EYS: variants seen among roughly 807,000 people sequenced by gnomAD.
EYS encodes the protein protein eyes shut homolog.
EYS carries 250 observed loss-of-function variants against 282.1 expected under a neutral mutation model. That is an observed-to-expected ratio of 0.89 (90% CI 0.80 to 0.98). The LOEUF is 0.98. EYS is among the 50% of genes least tolerant of loss of function. EYS has a pLI of 0.00. For missense variants in EYS, 4,016 were observed against 3,709.0 expected (o/e 1.08, Z -2.15); for synonymous variants, 1,355 against 1,282.9 (o/e 1.06, Z -1.20).
chr6:64,181,728 A>G (rs1400427944), intron 31 of EYS, among the ~76,000 whole-genome samples: 2 of 152,142 alleles, frequency 1.3e-5, no homozygotes, highest in African/African-American at 4.8e-5. Context: ...AAAATGCCAT[A>G]GACAGGATTA....
chr6:65,444,035 G>T (rs1226348381), intron 5 of EYS, among the ~76,000 whole-genome samples: 1 of 151,800 alleles, frequency 6.6e-6, no homozygotes. Context: ...ATGGTTAAAA[G>T]TAAGGTCCCT....
At chr6:64,421,630 C>T (rs1416956568) in intron 28 of EYS, among the ~76,000 whole-genome samples, 2 of 152,000 alleles carry the variant, frequency 1.3e-5, no homozygotes, top group Non-Finnish European at 2.9e-5. Flanking sequence ...AATCCACTTC[C>T]TAAATGCTAA....
chr6:63,810,260 C>CAAAAAAA (rs368701336), intron 36 of EYS, among the ~76,000 whole-genome samples: 2 of 53,766 alleles, frequency 3.7e-5, no homozygotes, highest in African/African-American at 7.2e-5. Context: ...GATTCCATCT[C>CAAAAAAA]AAAAAAAAAA....
Position 64,590,342 on chromosome 6 carries a change from A to G in EYS, c.5525T>C (p.Leu1842Pro). The G allele has an allele frequency of 6.4e-7, 1 of 1,551,298 alleles. No individual in the cohort carries two copies. The highest frequency in any genetic ancestry group is 2.4e-5 in the East Asian group (1 of 40,906). ...KTSSEWSKWE[L>P]QPSVQYQEFP... is the part of the protein sequence containing the mutation. ...TTCCTGATATTGCACACTAGGCTGAAGTTCCCATTTGGACCATTCTGAAGA... is the reference window on the plus strand; with the variant it reads ...TTCCTGATATTGCACACTAGGCTGAGGTTCCCATTTGGACCATTCTGAAGA... The change falls in exon 26 of 43, where the codon CTT becomes CCT. Residue 1842 changes from leucine to proline, a missense_variant. Physicochemically the swap from Leu to Pro is moderately conservative, Grantham distance 98 (BLOSUM62 -3). Coordinates refer to ENST00000503581, the MANE Select transcript of EYS (RefSeq NM_001142800.2).
At chr6:65,438,352 A>G (rs1768167128) in intron 5 of EYS, among the ~76,000 whole-genome samples, 1 of 152,134 alleles carries the variant, frequency 6.6e-6, no homozygotes, top group African/African-American at 2.4e-5. Flanking sequence ...CATGATTTAT[A>G]ATCCTTTGGG....
chr6:65,341,421 A>G (rs1770196707), intron 10 of EYS, among the ~76,000 whole-genome samples: 1 of 151,178 alleles, frequency 6.6e-6, no homozygotes, highest in South Asian at 2.1e-4. Context: ...TAATTTCTCA[A>G]AGGACAATGT....
At chr6:63,985,821 C>T (rs750595928) in intron 34 of EYS, among the ~76,000 whole-genome samples, 3 of 151,662 alleles carry the variant, frequency 2.0e-5, no homozygotes, top group Admixed American at 6.6e-5. Context: ...CTATAAAAAC[C>T]CTGGAAGACA....
chr6:65,490,070 T>C (rs1181253777), intron 5 of EYS: 2 of 153,514 alleles, frequency 1.3e-5, no homozygotes, highest in Admixed American at 6.5e-5. Flanking sequence ...GCACATGGCA[T>C]ACCTATGTAA....
At chr6:64,344,690 T>G (rs1384697758) in intron 29 of EYS, among the ~76,000 whole-genome samples, 1 of 152,038 alleles carries the variant, frequency 6.6e-6, no homozygotes, top group African/African-American at 2.4e-5. Context: ...TGTTGGAAGT[T>G]CTGGCCAGGG....
At chr6:64,185,872 G>A (rs1764922789) in intron 31 of EYS, among the ~76,000 whole-genome samples, 1 of 152,086 alleles carries the variant, frequency 6.6e-6, no homozygotes, top group Non-Finnish European at 1.5e-5. Flanking sequence ...TACTATATGT[G>A]GAAAGTTGAT....
intron 34 of EYS, among the ~76,000 whole-genome samples, chr6:63,986,196 GA>G: frequency 6.6e-6 from 1 of 151,968 alleles, no homozygotes; most frequent in South Asian, 2.1e-4. Context: ...GATCATTAGA[GA>G]AATGCAAATC....
chr6:64,390,031 G>A (rs565204890), intron 28 of EYS, among the ~76,000 whole-genome samples: 21 of 150,658 alleles, frequency 1.4e-4, no homozygotes, highest in Non-Finnish European at 2.7e-4. Context: ...CTGGAAAATC[G>A]GGTCACTCCC....
At chr6:63,828,734 A>T (rs544293120) in intron 36 of EYS, among the ~76,000 whole-genome samples, 1 of 152,226 alleles carries the variant, frequency 6.6e-6, no homozygotes, top group Non-Finnish European at 1.5e-5. Context: ...GATCAGGTAA[A>T]TGCAAATCAA....
At chr6:65,213,778 T>C (rs1766237863) in intron 12 of EYS, among the ~76,000 whole-genome samples, 1 of 152,144 alleles carries the variant, frequency 6.6e-6, no homozygotes, top group Non-Finnish European at 1.5e-5. Context: ...TAATCCTACA[T>C]GGCCTTTAAG....
intron 26 of EYS, among the ~76,000 whole-genome samples, chr6:64,565,097 C>T (rs1765522547): frequency 1.3e-5 from 2 of 152,042 alleles, no homozygotes; most frequent in Admixed American, 1.3e-4. Flanking sequence ...TATTTTCTCC[C>T]ATTCCCTAGA....
rs79966057 is a variant in EYS at position 65,328,344 on chromosome 6, T to C, written c.1766+6636A>G. ...GCACTCATCACTTTTCACCCAACCA[T>C]GTACTAGTACGTCTAGCATTTTGTC... On this transcript the variant is annotated intron_variant, in intron 11 of 42. Transcript: ENST00000503581. Among the ~76,000 whole-genome samples, 81 of 151,568 alleles carry C rather than the reference T, an allele frequency of 5.3e-4. No individual in the cohort carries two copies. The East Asian group carries it at 0.014, about 27-fold the overall frequency.
chr6:64,269,596 T>A (rs1767873664), intron 30 of EYS, among the ~76,000 whole-genome samples: 1 of 152,016 alleles, frequency 6.6e-6, no homozygotes, highest in Non-Finnish European at 1.5e-5. Flanking sequence ...AGTGAAGGTG[T>A]CAGGTTAGCA....
intron 18 of EYS, among the ~76,000 whole-genome samples, chr6:64,888,511 T>C (rs1273378677): frequency 2.0e-5 from 3 of 152,008 alleles, no homozygotes; most frequent in Non-Finnish European, 4.4e-5. Flanking sequence ...TAAGGAATCT[T>C]TGTATCAGTT....
intron 22 of EYS, among the ~76,000 whole-genome samples, chr6:64,753,630 T>C (rs975000798): frequency 1.3e-5 from 2 of 150,938 alleles, no homozygotes; most frequent in Admixed American, 6.6e-5. Flanking sequence ...AAAATGCTAC[T>C]AGATAAAAGA....
Sources: gnomAD v4.1 joint callset for allele counts (sites outside exome capture counted in the v4.1 genomes callset) on GRCh38, gnomAD v4.1.1 for gene constraint, MANE v1.5 for transcripts, NCBI Gene and HGNC (gene_info 2026-07-23, HGNC 2026-07-21) for gene names.